The following UCK2 variants were observed in gnomAD, a reference collection of about 807,000 sequenced individuals.
UCK2 encodes cytidine monophosphokinase 2.
A neutral mutation model predicts 30.8 loss-of-function variants in UCK2; 6 were observed. That is an observed-to-expected ratio of 0.19 (90% CI 0.11 to 0.38). UCK2 has a LOEUF of 0.38. UCK2 is among the 10% of genes least tolerant of loss of function. UCK2 has a pLI of 1.00. For synonymous variants in UCK2, 125 were observed against 133.6 expected (o/e 0.94, Z 0.45); for missense variants, 210 against 339.8 (o/e 0.62, Z 3.00).
intron 1 of UCK2, among the ~76,000 whole-genome samples, chr1:165,869,357 A>AAC (rs1372768273): frequency 2.0e-5 from 3 of 151,376 alleles, no homozygotes; most frequent in Admixed American, 6.6e-5. Flanking sequence ...TTGTAAAAAA[A>AAC]ACGTAGTATC....
rs529902212 is a variant in UCK2 at position 165,902,752 on chromosome 1, C to T, written c.500-430C>T. 5.6e-5 allele frequency: 9 copies of T among 159,450 alleles called. No individual in the cohort carries two copies. In the South Asian group the frequency reaches 7.3e-4, roughly 13 times the overall value. 9.9% of individuals were successfully genotyped at this position (159,450 alleles called of 1,614,324 possible). A position where few individuals can be genotyped will look rare whatever the true frequency, so the allele number is the denominator to read the frequency against. On this transcript the variant is annotated intron_variant, in intron 4 of 6. Transcript: ENST00000367879. ...GTGAGCTGATGCCTGATCAGTGGGT[C>T]GCTGGACTTCTGAACGCAGGTAAGT...
chr1:165,848,031 T>C (rs1654494838), intron 1 of UCK2, among the ~76,000 whole-genome samples: 1 of 152,218 alleles, frequency 6.6e-6, no homozygotes, highest in African/African-American at 2.4e-5. Context: ...ACACCTCCTG[T>C]TTCCCTACAC....
At chr1:165,897,468 G>A (rs1037086000) in intron 4 of UCK2, among the ~76,000 whole-genome samples, 5 of 152,126 alleles carry the variant, frequency 3.3e-5, no homozygotes, top group Admixed American at 1.3e-4. Context: ...CAAGGGCAGT[G>A]GGTGGAGGCG....
chr1:165,830,453 T>G (rs1208425857), intron 1 of UCK2, among the ~76,000 whole-genome samples: 1 of 152,016 alleles, frequency 6.6e-6, no homozygotes, highest in Non-Finnish European at 1.5e-5. Flanking sequence ...GCCTCCCAAG[T>G]AGCTGGGACT....
intron 1 of UCK2, among the ~76,000 whole-genome samples, chr1:165,874,859 C>G (rs16852248): frequency 0.031 from 4,739 of 152,260 alleles, 242 homozygotes; most frequent in African/African-American, 0.11. Flanking sequence ...GGCAGGAACA[C>G]TAACTCTTAA....
chr1:165,855,021 T>C (rs527896841), intron 1 of UCK2, among the ~76,000 whole-genome samples: 1 of 152,214 alleles, frequency 6.6e-6, no homozygotes, highest in Admixed American at 6.5e-5. Context: ...GAGGGACATA[T>C]TCTGTAAAGT....
At chr1:165,898,046 G>A (rs1647330187) in intron 4 of UCK2, 1 of 152,218 alleles carries the variant, frequency 6.6e-6, no homozygotes, top group Admixed American at 6.5e-5. Flanking sequence ...ATTGAACCCT[G>A]AGCCTGACAA....
chr1:165,833,368 G>A (rs1299893731), intron 1 of UCK2, among the ~76,000 whole-genome samples: 2 of 152,114 alleles, frequency 1.3e-5, no homozygotes, highest in Non-Finnish European at 2.9e-5. Flanking sequence ...CCCCAGCCAA[G>A]GATGTCCGCA....
chr1:165,850,868 C>T (rs949996360), intron 1 of UCK2, among the ~76,000 whole-genome samples: 5 of 150,304 alleles, frequency 3.3e-5, no homozygotes, highest in African/African-American at 4.9e-5. Flanking sequence ...GTGATCCACC[C>T]GCCTCGGCCT....
chr1:165,837,723 A>G (rs974378855), intron 1 of UCK2, among the ~76,000 whole-genome samples: 2 of 152,200 alleles, frequency 1.3e-5, no homozygotes, highest in Non-Finnish European at 2.9e-5. Flanking sequence ...CAAGTGTCCA[A>G]AAACGGGAAG....
chr1:165,867,537 A>G (rs1306143386), intron 1 of UCK2, among the ~76,000 whole-genome samples: 1 of 152,242 alleles, frequency 6.6e-6, no homozygotes, highest in Non-Finnish European at 1.5e-5. Flanking sequence ...GGAATATTCT[A>G]AATCCTTTGT....
rs556725284 is a variant in UCK2 at position 165,896,080 on chromosome 1, G to A, written c.357-110G>A. On this transcript the variant is annotated intron_variant, in intron 3 of 6. Transcript: ENST00000367879. ...AGTCTTTAGCCCCCGCTTGAAGTCTGTGGGGGCAAGGAACCCAGAACCCAG... is the reference window on the plus strand; with the variant it reads ...AGTCTTTAGCCCCCGCTTGAAGTCTATGGGGGCAAGGAACCCAGAACCCAG... The A allele has an allele frequency of 1.1e-4, 163 of 1,426,760 alleles. No homozygotes were observed. The South Asian group carries it at 1.9e-3, about 16-fold the overall frequency. 88.4% of individuals were successfully genotyped at this position (1,426,760 alleles called of 1,614,324 possible).
At chr1:165,896,016 T>C (rs1275161715) in intron 3 of UCK2, 174 bp from the exon 4 acceptor site, 2 of 780,232 alleles carry the variant, frequency 2.6e-6, no homozygotes, top group Non-Finnish European at 4.1e-6. Context: ...CTTGGCTCTT[T>C]GGTGGTGGTC....
chr1:165,884,145 C>G (rs1655563754), intron 1 of UCK2, among the ~76,000 whole-genome samples: 1 of 145,788 alleles, frequency 6.9e-6, no homozygotes, highest in Non-Finnish European at 1.5e-5. Flanking sequence ...TGATGTGACC[C>G]ACACATAGTC....
chr1:165,895,666 T>C, intron 3 of UCK2: 1 of 985,530 alleles, frequency 1.0e-6, no homozygotes, highest in Non-Finnish European at 1.2e-6. Flanking sequence ...TCCCAAAACT[T>C]TTCTTTATTT....
At chr1:165,881,182 TAAAAAAAAAAAAAAA>T (rs56886913) in intron 1 of UCK2, among the ~76,000 whole-genome samples, 1 of 92,852 alleles carries the variant, frequency 1.1e-5, no homozygotes, top group Non-Finnish European at 2.0e-5. Flanking sequence ...CAATAAAACT[TAAAAAAAAAAAAAAA>T]AAAAAAAAAG....
chr1:165,880,554 GTTTT>G (rs372981833), intron 1 of UCK2, among the ~76,000 whole-genome samples: 9 of 97,222 alleles, frequency 9.3e-5, no homozygotes, highest in South Asian at 6.1e-4. Flanking sequence ...GATCCATTCA[GTTTT>G]TTTTGGGGGT....
At chr1:165,840,535 C>T (rs953692829) in intron 1 of UCK2, among the ~76,000 whole-genome samples, 1 of 152,222 alleles carries the variant, frequency 6.6e-6, no homozygotes, top group Non-Finnish European at 1.5e-5. Context: ...CTAGCCAGCA[C>T]TGCTCCCTGG....
chr1:165,829,406 G>A (rs73016673), intron 1 of UCK2, among the ~76,000 whole-genome samples: 1,888 of 152,258 alleles, frequency 0.012, 49 homozygotes, highest in African/African-American at 0.044. Flanking sequence ...TGTTGGATTG[G>A]GAGCATTTTT....
Sources: allele counts gnomAD v4.1 joint callset (sites outside exome capture counted in the v4.1 genomes callset), GRCh38; gene constraint gnomAD v4.1.1; transcripts MANE v1.5; gene names NCBI Gene and HGNC (gene_info 2026-07-23, HGNC 2026-07-21).